Variants in ADAMTSL1 observed in about 807,000 individuals in gnomAD.
ADAMTSL1 encodes ADAMTS like 1.
ADAMTSL1 carries 126 observed loss-of-function variants against 201.8 expected under a neutral mutation model. The observed-to-expected ratio is 0.62, with a 90% confidence interval of 0.54 to 0.72. The LOEUF (loss-of-function observed/expected upper bound fraction) is 0.72. Among genes scored for constraint, ADAMTSL1 ranks in the 30% least tolerant of loss-of-function variants. The pLI, the probability that ADAMTSL1 is intolerant of heterozygous loss-of-function variation, is 0.00. For missense variants in ADAMTSL1, 2,679 were observed against 2,277.8 expected (o/e 1.18, Z -3.59); for synonymous variants, 1,121 against 903.4 (o/e 1.24, Z -4.32).
chr9:18,760,310 C>G (rs1415109544), intron 16 of ADAMTSL1, among the ~76,000 whole-genome samples: 1 of 152,160 alleles, frequency 6.6e-6, no homozygotes, highest in African/African-American at 2.4e-5. Context: ...TCATCAAACC[C>G]TTACAAACAG....
chr9:18,877,476 G>A (rs1828238752), intron 23 of ADAMTSL1, among the ~76,000 whole-genome samples: 1 of 152,156 alleles, frequency 6.6e-6, no homozygotes, highest in African/African-American at 2.4e-5. Context: ...TCTGGGAGCT[G>A]AACTGCAGTG....
intron 1 of ADAMTSL1, among the ~76,000 whole-genome samples, chr9:18,112,954 A>T (rs1396307853): frequency 6.6e-6 from 1 of 152,154 alleles, no homozygotes; most frequent in Non-Finnish European, 1.5e-5. Flanking sequence ...TGTACAGTCA[A>T]TCAGTAATGA....
intron 19 of ADAMTSL1, among the ~76,000 whole-genome samples, chr9:18,781,252 G>C (rs1821376921): frequency 6.6e-6 from 1 of 152,120 alleles, no homozygotes; most frequent in African/African-American, 2.4e-5. Context: ...TTGTGGGGGA[G>C]GGTAGCACTA....
At chr9:18,682,853 A>C (rs997687692) in intron 12 of ADAMTSL1, among the ~76,000 whole-genome samples, 1 of 152,192 alleles carries the variant, frequency 6.6e-6, no homozygotes, top group Admixed American at 6.5e-5. Context: ...ACAAAAAAAA[A>C]CAGAAATCCT....
intron 14 of ADAMTSL1, among the ~76,000 whole-genome samples, chr9:18,712,358 T>A (rs1045970526): frequency 2.0e-5 from 3 of 151,910 alleles, no homozygotes; most frequent in Admixed American, 6.6e-5. Context: ...GAAAAAAGAT[T>A]TAGAAGAATG....
chr9:18,322,905 C>T (rs928566084), intron 2 of ADAMTSL1, among the ~76,000 whole-genome samples: 12 of 151,906 alleles, frequency 7.9e-5, no homozygotes, highest in Non-Finnish European at 1.8e-4. Context: ...TTTCTATTTC[C>T]CTCACAAAAC....
At chr9:18,886,423 A>G (rs146591322) in intron 23 of ADAMTSL1, among the ~76,000 whole-genome samples, 4 of 151,996 alleles carry the variant, frequency 2.6e-5, no homozygotes, top group African/African-American at 9.6e-5. Context: ...CCTTCTCTCT[A>G]TAGTTGCATA....
chr9:17,977,987 T>C (rs900875422), intron 1 of ADAMTSL1, among the ~76,000 whole-genome samples: 1 of 152,054 alleles, frequency 6.6e-6, no homozygotes, highest in Admixed American at 6.6e-5. Context: ...ATATGGGTGC[T>C]TCAGTGTGTT....
intron 1 of ADAMTSL1, among the ~76,000 whole-genome samples, chr9:17,945,624 T>C (rs1306263113): frequency 6.6e-6 from 1 of 152,188 alleles, no homozygotes; most frequent in Admixed American, 6.5e-5. Flanking sequence ...CACCATGGAA[T>C]ACTATGCAGC....
chr9:18,306,306 C>G (rs1020106435), intron 2 of ADAMTSL1, among the ~76,000 whole-genome samples: 2 of 152,164 alleles, frequency 1.3e-5, no homozygotes, highest in Non-Finnish European at 2.9e-5. Context: ...ATCACAACTC[C>G]TCACCAGCAA....
intron 2 of ADAMTSL1, among the ~76,000 whole-genome samples, chr9:18,310,144 C>A (rs1483953745): frequency 6.6e-6 from 1 of 151,914 alleles, no homozygotes; most frequent in Non-Finnish European, 1.5e-5. Flanking sequence ...ATGCAGAAAA[C>A]TGGAACTGGA....
intron 2 of ADAMTSL1, among the ~76,000 whole-genome samples, chr9:18,262,700 T>A (rs1831970095): frequency 6.6e-6 from 1 of 152,156 alleles, no homozygotes; most frequent in Non-Finnish European, 1.5e-5. Context: ...TCCAAAAATA[T>A]TTCAAATAGG....
intron 4 of ADAMTSL1, among the ~76,000 whole-genome samples, chr9:18,590,069 T>C (rs1283693178): frequency 1.3e-5 from 2 of 152,094 alleles, no homozygotes; most frequent in Non-Finnish European, 1.5e-5. Context: ...TAGGGTAATG[T>C]TGGCCTCATT....
chr9:18,416,727 T>C (rs1377087596), intron 2 of ADAMTSL1, among the ~76,000 whole-genome samples: 1 of 151,980 alleles, frequency 6.6e-6, no homozygotes, highest in Admixed American at 6.6e-5. Flanking sequence ...TAGGAGAACA[T>C]AACAATTCTA....
intron 1 of ADAMTSL1, among the ~76,000 whole-genome samples, chr9:18,154,046 C>T (rs368264166): frequency 8.6e-5 from 13 of 151,976 alleles, no homozygotes; most frequent in African/African-American, 3.1e-4. Flanking sequence ...TATTCTTCCT[C>T]GGTGTCAGCT....
At chr9:18,901,415 T>G (rs1830010839) in intron 26 of ADAMTSL1, among the ~76,000 whole-genome samples, 2 of 152,120 alleles carry the variant, frequency 1.3e-5, no homozygotes, top group Admixed American at 1.3e-4. Context: ...TTATTTTGTT[T>G]CATAGCTCCA....
chr9:18,563,949 C>T (rs868720713), intron 3 of ADAMTSL1, among the ~76,000 whole-genome samples: 21 of 152,198 alleles, frequency 1.4e-4, no homozygotes, highest in African/African-American at 5.1e-4. Flanking sequence ...TTGCTGGACT[C>T]CATGGGGGTG....
chr9:18,501,142 T>C (rs1479015805), intron 1 of ADAMTSL1, among the ~76,000 whole-genome samples: 1 of 152,198 alleles, frequency 6.6e-6, no homozygotes, highest in Non-Finnish European at 1.5e-5. Flanking sequence ...CTATTTCCCC[T>C]GCTAGATGCA....
chr9:18,110,919 C>G (rs980846442), intron 1 of ADAMTSL1, among the ~76,000 whole-genome samples: 6 of 152,094 alleles, frequency 3.9e-5, no homozygotes, highest in African/African-American at 1.4e-4. Flanking sequence ...AGTTTTTGAT[C>G]AACTTTGTTG....
Sources: gnomAD v4.1 joint callset for allele counts (sites outside exome capture counted in the v4.1 genomes callset) on GRCh38, gnomAD v4.1.1 for gene constraint, MANE v1.5 for transcripts, NCBI Gene and HGNC (gene_info 2026-07-23, HGNC 2026-07-21) for gene names.